KCNMA1: variants seen among roughly 807,000 people sequenced by gnomAD.
KCNMA1 encodes the protein Calcium-activated potassium channel subunit alpha-1.
KCNMA1 carries 29 observed loss-of-function variants against 140.0 expected under a neutral mutation model. That is an observed-to-expected ratio of 0.21 (90% CI 0.15 to 0.28). The LOEUF is 0.28. Ranked by LOEUF, KCNMA1 falls within the 10% of genes least tolerant of loss-of-function variation. The pLI, the probability that KCNMA1 is intolerant of heterozygous loss-of-function variation, is 1.00. For synonymous variants in KCNMA1, 612 were observed against 611.9 expected (o/e 1.00, Z 0.00); for missense variants, 880 against 1,602.2 (o/e 0.55, Z 7.70).
intron 19 of KCNMA1, among the ~76,000 whole-genome samples, chr10:76,994,536 T>C (rs1207353248): frequency 6.6e-6 from 1 of 152,170 alleles, no homozygotes; most frequent in Admixed American, 6.5e-5. Flanking sequence ...ATACACAGAA[T>C]ATAGATCTCT....
chr10:77,216,657 C>A (rs755536219), intron 3 of KCNMA1, among the ~76,000 whole-genome samples: 2 of 152,128 alleles, frequency 1.3e-5, no homozygotes, highest in Non-Finnish European at 2.9e-5. Flanking sequence ...GTTGTCAGAT[C>A]TAGGTACCAG....
intron 6 of KCNMA1, among the ~76,000 whole-genome samples, chr10:77,112,727 G>T (rs537740678): frequency 6.6e-6 from 1 of 152,068 alleles, no homozygotes; most frequent in Admixed American, 6.6e-5. Context: ...ACACTTGTAC[G>T]CTCTTCATTT....
At chr10:77,416,631 C>T (rs1391319816) in intron 1 of KCNMA1, among the ~76,000 whole-genome samples, 1 of 152,118 alleles carries the variant, frequency 6.6e-6, no homozygotes, top group Non-Finnish European at 1.5e-5. Flanking sequence ...CAGCCCAGTG[C>T]CCCACACGGA....
At chr10:77,409,159 C>T (rs1487631346) in intron 1 of KCNMA1, among the ~76,000 whole-genome samples, 1 of 152,208 alleles carries the variant, frequency 6.6e-6, no homozygotes, top group African/African-American at 2.4e-5. Flanking sequence ...GCTCACCCTT[C>T]CTATGTCACC....
chr10:77,508,576 C>CTTTTTTTTTTTTTTTTTTTT (rs2047061603), intron 1 of KCNMA1, among the ~76,000 whole-genome samples: 1 of 91,052 alleles, frequency 1.1e-5, no homozygotes, highest in East Asian at 4.5e-4. Context: ...TTTTTTTTTT[C>CTTTTTTTTTTTTTTTTTTTT]TTTTCTTTTT....
chr10:77,538,015 A>G (rs1164836241), intron 1 of KCNMA1, among the ~76,000 whole-genome samples: 2 of 151,440 alleles, frequency 1.3e-5, no homozygotes, highest in African/African-American at 2.4e-5. Flanking sequence ...ACATTCGTAT[A>G]CTCTACACGT....
intron 1 of KCNMA1, among the ~76,000 whole-genome samples, chr10:77,525,845 C>A (rs1443974001): frequency 2.0e-5 from 3 of 152,142 alleles, no homozygotes; most frequent in Non-Finnish European, 2.9e-5. Flanking sequence ...GTGTCTTGCA[C>A]CTCAGATAAA....
chr10:77,440,024 G>A (rs2097362739), intron 1 of KCNMA1, among the ~76,000 whole-genome samples: 1 of 152,190 alleles, frequency 6.6e-6, no homozygotes, highest in African/African-American at 2.4e-5. Context: ...CCAGGGCGGG[G>A]GCTGGGAGTG....
chr10:76,941,494 C>G (rs1171390661), intron 23 of KCNMA1, among the ~76,000 whole-genome samples: 4 of 152,126 alleles, frequency 2.6e-5, no homozygotes, highest in Admixed American at 1.3e-4. Flanking sequence ...GTTGATGGCT[C>G]CCACTGGACC....
chr10:77,316,060 C>T (rs2080794911), intron 2 of KCNMA1, among the ~76,000 whole-genome samples: 1 of 152,114 alleles, frequency 6.6e-6, no homozygotes, highest in South Asian at 2.1e-4. Context: ...CTGGAGGCTC[C>T]CTGGTTGCAA....
intron 1 of KCNMA1, among the ~76,000 whole-genome samples, chr10:77,431,782 G>A (rs1444298512): frequency 6.6e-6 from 1 of 151,626 alleles, no homozygotes; most frequent in Admixed American, 6.6e-5. Flanking sequence ...TGGATCACGA[G>A]GTTAGGAGAT....
intron 1 of KCNMA1, among the ~76,000 whole-genome samples, chr10:77,478,862 T>C (rs2098330700): frequency 6.6e-6 from 1 of 152,184 alleles, no homozygotes; most frequent in African/African-American, 2.4e-5. Context: ...GGAGTGAGCA[T>C]CCATATAAGA....
intron 5 of KCNMA1, among the ~76,000 whole-genome samples, chr10:77,126,842 C>A (rs2925827): frequency 0.031 from 4,720 of 151,962 alleles, 409 homozygotes; most frequent in East Asian, 0.26. Context: ...CAGGCAGCTG[C>A]AGCCAGCCTG....
In KCNMA1 at chr10:77,637,801, C is replaced by T. The variant is rs1032275334; in HGVS notation, c.-159G>A. ...GGCGGGGAGGCGCCTGGGCTCGGGG[C>T]GCTGTGCGCGACCTGGCGGGGTGCG... On this transcript the variant is annotated 5_prime_UTR_variant, in exon 1 of 28. Transcript: ENST00000286628. 5.7e-6 allele frequency: 7 copies of T among 1,227,026 alleles called. No homozygotes were observed. In the Admixed American group the frequency reaches 1.7e-4, roughly 30 times the overall value. The allele number at this position is 1,227,026 out of a possible 1,614,324, so 76.0% of individuals were successfully genotyped here.
chr10:77,604,760 T>C (rs189617722), intron 1 of KCNMA1, among the ~76,000 whole-genome samples: 3 of 151,786 alleles, frequency 2.0e-5, no homozygotes, highest in South Asian at 2.1e-4. Flanking sequence ...TCATATCCCA[T>C]AAACCAGGCT....
In KCNMA1 at chr10:77,478,376, CTG is replaced by C. The variant is rs202053278; in HGVS notation, c.379-74355_379-74354del. On this transcript the variant is annotated intron_variant, in intron 1 of 27. Transcript: ENST00000286628. ...ATGACTGAGAGGGGAAGAGAACAGACTGTGTCCAAGTCCATCAACACATCATC... is the reference window on the plus strand; with the variant it reads ...ATGACTGAGAGGGGAAGAGAACAGACTGTCCAAGTCCATCAACACATCATC... Among the ~76,000 whole-genome samples the C allele has an allele frequency of 6.7e-4, 102 of 152,344 alleles. 1 individual carries two copies. The East Asian group carries it at 0.016, about 23-fold the overall frequency.
At chr10:77,608,381 C>G (rs1430168882) in intron 1 of KCNMA1, among the ~76,000 whole-genome samples, 3 of 152,054 alleles carry the variant, frequency 2.0e-5, no homozygotes, top group African/African-American at 7.2e-5. Flanking sequence ...GCCATGTTGC[C>G]CAGGCTGGTC....
At chr10:77,242,064 T>A (rs1458649270) in intron 3 of KCNMA1, among the ~76,000 whole-genome samples, 2 of 152,060 alleles carry the variant, frequency 1.3e-5, no homozygotes, top group Admixed American at 6.6e-5. Flanking sequence ...CAGACTCTCC[T>A]CCCCATCATG....
chr10:77,112,787 T>C (rs561776943), intron 6 of KCNMA1, among the ~76,000 whole-genome samples: 78 of 152,146 alleles, frequency 5.1e-4, no homozygotes, highest in Non-Finnish European at 4.6e-4. Flanking sequence ...TCTCCCTACA[T>C]GCTTTTTCTC....
Sources: allele counts gnomAD v4.1 joint callset (sites outside exome capture counted in the v4.1 genomes callset), GRCh38; gene constraint gnomAD v4.1.1; transcripts MANE v1.5; gene names NCBI Gene and HGNC (gene_info 2026-07-23, HGNC 2026-07-21).